Variants in ABCA4 observed in about 807,000 individuals in gnomAD.
ABCA4 encodes the protein retinal-specific phospholipid-transporting ATPase ABCA4.
ABCA4 carries 196 observed loss-of-function variants against 263.7 expected under a neutral mutation model. That is an observed-to-expected ratio of 0.74 (90% CI 0.66 to 0.84). The LOEUF (loss-of-function observed/expected upper bound fraction) is 0.84. ABCA4 is among the 40% of genes least tolerant of loss of function. ABCA4 has a pLI of 0.00. For synonymous variants in ABCA4, 1,133 were observed against 1,094.2 expected (o/e 1.04, Z -0.70); for missense variants, 2,792 against 2,855.1 (o/e 0.98, Z 0.50).
chr1:94,001,182 C>G (rs916847828), intron 45 of ABCA4, 77 bp from the exon 46 acceptor site: 3 of 1,239,244 alleles, frequency 2.4e-6, no homozygotes, highest in Non-Finnish European at 1.2e-6. Context: ...TGGGCTGGCT[C>G]CCCTGTGGAG....
At chr1:94,109,454 C>T (rs1443960103) in intron 3 of ABCA4, among the ~76,000 whole-genome samples, 24 of 152,234 alleles carry the variant, frequency 1.6e-4, no homozygotes, top group Non-Finnish European at 4.4e-5. Context: ...CACATGCACG[C>T]CTCTGCCAAG....
chr1:93,993,695 G>A (rs1233457117), intron 49 of ABCA4, among the ~76,000 whole-genome samples: 1 of 152,060 alleles, frequency 6.6e-6, no homozygotes, highest in African/African-American at 2.4e-5. Context: ...AAGTGTGACT[G>A]GGGGAGGGGA....
chr1:94,095,351 C>T (rs1189336154), intron 6 of ABCA4, among the ~76,000 whole-genome samples: 1 of 152,026 alleles, frequency 6.6e-6, no homozygotes, highest in Non-Finnish European at 1.5e-5. Context: ...ACACCCCCAG[C>T]TCCTGACTCA....
rs753994194 is a variant in ABCA4 at position 94,021,727 on chromosome 1, T to TAA, written c.4774-15_4774-14dup. On this transcript the variant is annotated splice_polypyrimidine_tract_variant and intron_variant, in intron 33 of 49. Transcript: ENST00000370225. ...TAGTGATAGGGCCCTAAAAACCATG[T>TAA]AAACAAACAAACAAGACGGTTTTAA... The TAA allele has an allele frequency of 2.5e-6, 4 of 1,605,998 alleles. No individual in the cohort carries two copies. Among genetic ancestry groups the TAA allele is most frequent in the Non-Finnish European group, 3.4e-6 (4 of 1,175,544 alleles).
At chr1:94,120,064 A>T (rs1424639080) in intron 1 of ABCA4, among the ~76,000 whole-genome samples, 1 of 152,192 alleles carries the variant, frequency 6.6e-6, no homozygotes, top group Non-Finnish European at 1.5e-5. Context: ...AGCAAAGTGC[A>T]TTCTTTCTTT....
intron 39 of ABCA4, 67 bp downstream of exon 39, chr1:94,011,194 GC>G (rs919472353): frequency 4.3e-6 from 7 of 1,610,996 alleles, no homozygotes; most frequent in East Asian, 2.2e-5. Context: ...TGATGCAGGA[GC>G]CCCCCCGGTA....
chr1:94,019,757 A>G lies in ABCA4; in HGVS notation c.5021T>C (p.Leu1674Pro). The part of the protein sequence containing the change: ...TKEQLSEITV[L>P]TTSVDAVVAI... ...AACCACAGCATCCACTGAAGTGGTC[A>G]GCCTGCAGCAGGGCCAGAGACACAG... Residue 1674 changes from leucine to proline, a missense_variant and splice_region_variant, in exon 36 of 50, where the codon CTG becomes CCG. Physicochemically the swap from Leu to Pro is moderately conservative, Grantham distance 98. Transcript: ENST00000370225. 1 of 1,611,522 alleles carries G rather than the reference A, an allele frequency of 6.2e-7. No homozygotes were observed.
intron 21 of ABCA4, 146 bp downstream of exon 21, chr1:94,043,190 G>C: frequency 8.4e-7 from 1 of 1,188,756 alleles, no homozygotes; most frequent in South Asian, 1.5e-5. Flanking sequence ...ATGATCTGGG[G>C]GCTGCTCTTA....
rs772400085 is a variant in ABCA4 at position 94,113,014 on chromosome 1, A to G, written c.119T>C (p.Ile40Thr). 6.2e-7 allele frequency: 1 copy of G among 1,614,144 alleles called. No individual in the cohort carries two copies. The highest frequency in any genetic ancestry group is 8.5e-7 in the Non-Finnish European group (1 of 1,180,012). The change falls in exon 2 of 50, where the codon ATC becomes ACC. Residue 40 changes from isoleucine (I) to threonine (T), a missense_variant. By Grantham distance (89) the Ile-to-Thr change is moderately conservative. Coordinates refer to ENST00000370225, the MANE Select transcript of ABCA4 (RefSeq NM_000350.3). ...VWPLSLFLVLIWLRNANPLYS... is the reference protein window; with the variant it reads ...VWPLSLFLVLTWLRNANPLYS... ...GAGTGGGTTGGCATTCCTTAACCAG[A>G]TCAAGACCAGAAATAAAGATAAAGG...
chr1:94,041,395 G>T lies in ABCA4; in HGVS notation c.3336C>A (p.Thr1112=), dbSNP rs1660483475. 6.2e-7 allele frequency: 1 copy of T among 1,613,722 alleles called. No homozygotes were observed. Among genetic ancestry groups the T allele is most frequent in the African/African-American group, 1.3e-5 (1 of 75,010 alleles). ...DLLLKYRSGR[T]IIMSTHHMDE... ...CCATGTGGTGAGTGGACATGATGATGGTTCTGCCTGCAAGGTAGGGGCCAG... is the reference window on the plus strand; with the variant it reads ...CCATGTGGTGAGTGGACATGATGATTGTTCTGCCTGCAAGGTAGGGGCCAG... The change falls in exon 23 of 50, where the codon ACC becomes ACA. Residue 1112 remains threonine, a synonymous_variant. Transcript: ENST00000370225.
At chr1:94,021,192 T>A in intron 35 of ABCA4, 48 bp downstream of exon 35, 1 of 1,611,194 alleles carries the variant, frequency 6.2e-7, no homozygotes, top group Non-Finnish European at 8.5e-7. Context: ...GTTCAAAGAG[T>A]GGAGAAGGTG....
At chr1:94,023,534 C>T in intron 31 of ABCA4, 116 bp from the exon 32 acceptor site, 1 of 932,414 alleles carries the variant, frequency 1.1e-6, no homozygotes, top group Admixed American at 2.0e-5. Context: ...GGCATTTTTG[C>T]ATTTTCCGAT....
rs886044727 is a variant in ABCA4 at position 94,063,288 on chromosome 1, G to T, written c.1584C>A (p.Tyr528Ter). 1 of 1,614,026 alleles carries T rather than the reference G, an allele frequency of 6.2e-7. No individual in the cohort carries two copies. Among genetic ancestry groups the T allele is most frequent in the Non-Finnish European group, 8.5e-7 (1 of 1,180,040 alleles). The change falls in exon 12 of 50, where the codon TAC becomes TAA. Residue 528 changes from tyrosine to a stop codon, truncating the protein, a stop_gained. Coordinates refer to ENST00000370225, the MANE Select transcript of ABCA4 (RefSeq NM_000350.3). LOFTEE classifies it high-confidence loss of function. ...ECLVLDKFES[Y>*]NDETQLTQRA... Reference sequence around the variant, plus strand: ...GTTGGGTGAGCTGAGTTTCATCATTGTAGCTTTCAAACTTATCCAGGACCA... The same window carrying T: ...GTTGGGTGAGCTGAGTTTCATCATTTTAGCTTTCAAACTTATCCAGGACCA...
intron 36 of ABCA4, among the ~76,000 whole-genome samples, chr1:94,017,262 G>A (rs879826325): frequency 3.9e-5 from 6 of 152,154 alleles, no homozygotes; most frequent in Non-Finnish European, 7.3e-5. Context: ...TTAAGTGACC[G>A]AATTGAACAT....
Position 94,044,705 on chromosome 1 carries a change from A to G in ABCA4, c.2958T>C (p.Thr986=), listed in dbSNP as rs1660624140. The change falls in exon 20 of 50, where the codon ACT becomes ACC. Residue 986 remains threonine, a synonymous_variant. Coordinates refer to ENST00000370225, the MANE Select transcript of ABCA4 (RefSeq NM_000350.3). ...LTGLLPPTSG[T]VLVGGRDIET... ...CAATGTCCCTTCCCCCAACGAGCAC[A>G]GTCCCAGAGGTTGGTGGCAACAGAC... 6.2e-7 allele frequency: 1 copy of G among 1,614,088 alleles called. No homozygotes were observed. The highest frequency in any genetic ancestry group is 8.5e-7 in the Non-Finnish European group (1 of 1,180,034).
chr1:94,064,787 G>A (rs1570395292), intron 11 of ABCA4, among the ~76,000 whole-genome samples: 2 of 152,144 alleles, frequency 1.3e-5, no homozygotes, highest in African/African-American at 2.4e-5. Context: ...TAGTATGAAC[G>A]ACCAATGCAG....
intron 1 of ABCA4, among the ~76,000 whole-genome samples, chr1:94,114,024 C>T (rs955298993): frequency 6.6e-6 from 1 of 152,154 alleles, no homozygotes; most frequent in African/African-American, 2.4e-5. Context: ...CTCCAGGGAC[C>T]TTAGGAAGGA....
chr1:94,103,385 G>A (rs1194633173), intron 4 of ABCA4, among the ~76,000 whole-genome samples: 1 of 152,170 alleles, frequency 6.6e-6, no homozygotes, highest in Admixed American at 6.5e-5. Flanking sequence ...GGCTGGATGG[G>A]GGTGTCAGAT....
rs62642573 is a variant in ABCA4 at position 94,031,054 on chromosome 1, C to G, written c.4195G>C (p.Glu1399Gln). The G allele has an allele frequency of 6.2e-7, 1 of 1,613,868 alleles. No homozygotes were observed. Among genetic ancestry groups the G allele is most frequent in the Non-Finnish European group, 8.5e-7 (1 of 1,180,024 alleles). The change falls in exon 28 of 50, where the codon GAA becomes CAA. Residue 1399 changes from glutamate (E) to glutamine (Q), a missense_variant. Coordinates refer to ENST00000370225, the MANE Select transcript of ABCA4 (RefSeq NM_000350.3). ...GGGTGAAGGGTCAAAGCGGGGTATT[C>G]GCCAAAAGGAGGGATAACAATAGAA... ...MLSIVIPPFG[E>Q]YPALTLHPWI...
Sources: allele counts gnomAD v4.1 joint callset (sites outside exome capture counted in the v4.1 genomes callset), GRCh38; gene constraint gnomAD v4.1.1; transcripts MANE v1.5; gene names NCBI Gene and HGNC (gene_info 2026-07-23, HGNC 2026-07-21).